The following DLGAP2 variants were observed in gnomAD, a reference collection of about 807,000 sequenced individuals.
DLGAP2 encodes disks large-associated protein 2.
In DLGAP2, 26 loss-of-function variants were observed where a neutral mutation model predicts 100.3. The ratio of observed to expected loss-of-function variants is 0.26; its 90% CI spans 0.19 to 0.36. The LOEUF (loss-of-function observed/expected upper bound fraction) is 0.36, where lower values mean the gene tolerates loss of function less well. Among genes scored for constraint, DLGAP2 ranks in the 10% least tolerant of loss-of-function variants. DLGAP2 has a pLI of 1.00. For synonymous variants in DLGAP2, 886 were observed against 630.1 expected, an observed-to-expected ratio of 1.41 and a Z score of -6.08; for missense variants, 1,858 against 1,453.2, an observed-to-expected ratio of 1.28 and a Z score of -4.53.
At chr8:1,049,744 C>G (rs186694017) in intron 2 of DLGAP2, among the ~76,000 whole-genome samples, 161 of 149,726 alleles carry the variant, frequency 1.1e-3, no homozygotes, top group African/African-American at 3.0e-3. Flanking sequence ...CATACATGAA[C>G]AGAGACACAC....
chr8:982,690 G>A (rs553195304), intron 2 of DLGAP2, among the ~76,000 whole-genome samples: 1 of 152,190 alleles, frequency 6.6e-6, no homozygotes, highest in East Asian at 1.9e-4. Flanking sequence ...TTGGATTTGT[G>A]GTCTCAAGAC....
chr8:1,698,766 G>GC (rs1034917417), intron 14 of DLGAP2, among the ~76,000 whole-genome samples: 9 of 151,552 alleles, frequency 5.9e-5, no homozygotes, highest in Non-Finnish European at 1.0e-4. Context: ...GTCCAAGTAA[G>GC]CCATGTTTGG....
At chr8:1,160,253 C>T (rs1200416792) in intron 2 of DLGAP2, among the ~76,000 whole-genome samples, 1 of 152,186 alleles carries the variant, frequency 6.6e-6, no homozygotes, top group Non-Finnish European at 1.5e-5. Context: ...GGGACCTAGG[C>T]ATGGAACCAC....
chr8:1,134,018 C>G (rs1390804825), intron 2 of DLGAP2, among the ~76,000 whole-genome samples: 1 of 151,956 alleles, frequency 6.6e-6, no homozygotes, highest in African/African-American at 2.4e-5. Context: ...TCCCACAGGC[C>G]CCTGTGGATG....
chr8:1,175,331 T>A (rs964564060), intron 2 of DLGAP2, among the ~76,000 whole-genome samples: 8 of 152,230 alleles, frequency 5.3e-5, no homozygotes, highest in Non-Finnish European at 1.2e-4. Flanking sequence ...GGGCTTAGTT[T>A]TCTGTGAATC....
chr8:1,045,362 AT>A (rs1355988138), intron 2 of DLGAP2, among the ~76,000 whole-genome samples: 3 of 152,190 alleles, frequency 2.0e-5, no homozygotes, highest in Non-Finnish European at 4.4e-5. Flanking sequence ...AAATGTTTTC[AT>A]TTTTTAAAGT....
At chr8:839,024 A>T (rs756202169) in intron 1 of DLGAP2, among the ~76,000 whole-genome samples, 2 of 152,176 alleles carry the variant, frequency 1.3e-5, no homozygotes, top group Admixed American at 6.5e-5. Context: ...GCCACATATG[A>T]CCACAGTGGG....
At chr8:1,105,143 T>A (rs1804715224) in intron 2 of DLGAP2, 1 of 152,390 alleles carries the variant, frequency 6.6e-6, no homozygotes, top group Admixed American at 6.5e-5. Context: ...GCTCATACTT[T>A]ATCCTGAGAT....
chr8:1,027,631 G>T (rs1335911418), intron 2 of DLGAP2, among the ~76,000 whole-genome samples: 1 of 140,978 alleles, frequency 7.1e-6, no homozygotes, highest in Admixed American at 7.1e-5. Flanking sequence ...TCAGGCGCCC[G>T]TTATTCTCCA....
intron 2 of DLGAP2, among the ~76,000 whole-genome samples, chr8:1,067,140 A>G (rs954520750): frequency 6.6e-6 from 1 of 152,038 alleles, no homozygotes; most frequent in Non-Finnish European, 1.5e-5. Flanking sequence ...TGATCTTCCC[A>G]TTCTTCTGTG....
chr8:802,164 G>GCCC (rs1796178552), intron 1 of DLGAP2, among the ~76,000 whole-genome samples: 1 of 148,698 alleles, frequency 6.7e-6, no homozygotes, highest in African/African-American at 2.5e-5. Flanking sequence ...CTCCTCCTGG[G>GCCC]TCCTCTGTCC....
At chr8:752,674 G>A (rs879453648) in intron 1 of DLGAP2, among the ~76,000 whole-genome samples, 6 of 152,186 alleles carry the variant, frequency 3.9e-5, no homozygotes, top group African/African-American at 1.4e-4. Flanking sequence ...ATTTATAAAC[G>A]GGGAGATGCC....
intron 3 of DLGAP2, among the ~76,000 whole-genome samples, chr8:1,494,340 G>T (rs1799483517): frequency 1.3e-5 from 2 of 152,220 alleles, no homozygotes; most frequent in Admixed American, 6.5e-5. Flanking sequence ...ACGCAATTGT[G>T]CTTTGAGTTT....
At chr8:1,595,283 C>CATATA in intron 6 of DLGAP2, among the ~76,000 whole-genome samples, 1 of 151,920 alleles carries the variant, frequency 6.6e-6, no homozygotes, top group Non-Finnish European at 1.5e-5. Context: ...TATATATAAA[C>CATATA]TTTTTATTGA....
intron 4 of DLGAP2, among the ~76,000 whole-genome samples, chr8:1,546,694 G>A (rs577374087): frequency 1.6e-4 from 24 of 152,290 alleles, no homozygotes; most frequent in Middle Eastern, 3.4e-3. Flanking sequence ...CATCCATGTT[G>A]CTCAGGGAGT....
chr8:1,151,285 T>G (rs1796692248), intron 2 of DLGAP2, among the ~76,000 whole-genome samples: 1 of 152,194 alleles, frequency 6.6e-6, no homozygotes, highest in Admixed American at 6.5e-5. Context: ...TTGCTTGATG[T>G]TAACATTTTT....
At chr8:1,656,368 G>A (rs895500533) in intron 8 of DLGAP2, among the ~76,000 whole-genome samples, 3 of 151,924 alleles carry the variant, frequency 2.0e-5, no homozygotes, top group Non-Finnish European at 2.9e-5. Context: ...ATTGGTCAGG[G>A]CAGTCTAGAA....
chr8:1,184,987 G>T (rs897159969), intron 2 of DLGAP2, among the ~76,000 whole-genome samples: 2 of 152,138 alleles, frequency 1.3e-5, no homozygotes, highest in African/African-American at 4.8e-5. Context: ...AGACTTTAGA[G>T]CAGGAGTGTG....
intron 2 of DLGAP2, among the ~76,000 whole-genome samples, chr8:916,430 A>C (rs1584887459): frequency 6.6e-6 from 1 of 152,218 alleles, no homozygotes; most frequent in African/African-American, 2.4e-5. Context: ...GCAAGGACAA[A>C]AAACCAAACA....
Sources: gnomAD v4.1 joint callset for allele counts (sites outside exome capture counted in the v4.1 genomes callset) on GRCh38, gnomAD v4.1.1 for gene constraint, MANE v1.5 for transcripts, NCBI Gene and HGNC (gene_info 2026-07-23, HGNC 2026-07-21) for gene names.